BTD: variants seen among roughly 807,000 people sequenced by gnomAD.
BTD encodes biotinidase.
BTD carries 13 observed loss-of-function variants against 17.7 expected under a neutral mutation model. The observed-to-expected ratio is 0.74, with a 90% CI of 0.48 to 1.17. The LOEUF (loss-of-function observed/expected upper bound fraction) is 1.17, where lower values mean the gene tolerates loss of function less well. Among genes scored for constraint, BTD ranks in the 50% most tolerant of loss-of-function variants. The probability of loss-of-function intolerance (pLI) is 0.00; values close to 1 mark genes in which losing one functional copy is unlikely to be tolerated. For synonymous variants in BTD, 240 were observed against 245.2 expected (o/e 0.98, Z 0.20); for missense variants, 674 against 650.4 (o/e 1.04, Z -0.39).
At chr3:15,718,804 T>C (rs972011422) in intron 4 of BTD, among the ~76,000 whole-genome samples, 1 of 152,212 alleles carries the variant, frequency 6.6e-6, no homozygotes, top group Non-Finnish European at 1.5e-5. Flanking sequence ...CTGAGAAAAC[T>C]TGGTTGTGAC....
intron 1 of BTD, among the ~76,000 whole-genome samples, chr3:15,634,354 C>G (rs1163815926): frequency 6.6e-6 from 1 of 152,140 alleles, no homozygotes; most frequent in South Asian, 2.1e-4. Flanking sequence ...TTGTTCAGCC[C>G]CAGGACATCT....
chr3:15,653,734 T>G (rs2065840770), downstream of BTD, among the ~76,000 whole-genome samples: 1 of 152,186 alleles, frequency 6.6e-6, no homozygotes, highest in African/African-American at 2.4e-5. Context: ...TAAGATAAGG[T>G]ATAACTTTGG....
chr3:15,608,357 C>G (rs959177888), intron 1 of BTD, among the ~76,000 whole-genome samples: 2 of 152,120 alleles, frequency 1.3e-5, no homozygotes, highest in Admixed American at 1.3e-4. Context: ...GATAGTTTGA[C>G]AGCAGCAGTC....
intron 1 of BTD, chr3:15,606,366 A>G (rs1316902046): frequency 6.6e-6 from 1 of 152,242 alleles, no homozygotes; most frequent in Non-Finnish European, 1.5e-5. Context: ...TTTTCATGCC[A>G]GAAGCATGAG....
At chr3:15,615,892 T>G (rs1446994376) in intron 1 of BTD, among the ~76,000 whole-genome samples, 2 of 152,266 alleles carry the variant, frequency 1.3e-5, no homozygotes, top group African/African-American at 2.4e-5. Context: ...CATATTGGAA[T>G]CATACAGTAT....
downstream of BTD, chr3:15,714,546 A>C: frequency 6.6e-7 from 1 of 1,504,806 alleles, no homozygotes; most frequent in Non-Finnish European, 8.9e-7. Flanking sequence ...AAAAAAAAAA[A>C]ACCCCAAAAA....
intron 1 of BTD, among the ~76,000 whole-genome samples, chr3:15,628,787 C>T (rs1357492146): frequency 3.3e-5 from 5 of 152,154 alleles, no homozygotes; most frequent in African/African-American, 1.2e-4. Flanking sequence ...TTTCGACCAC[C>T]GAAGATTTCC....
chr3:15,639,258 A>G (rs529006943), intron 2 of BTD, among the ~76,000 whole-genome samples: 1 of 148,900 alleles, frequency 6.7e-6, no homozygotes, highest in Non-Finnish European at 1.5e-5. Flanking sequence ...TCTAGTATGT[A>G]TACATAATTT....
rs193049441 is a variant in BTD at position 15,672,883 on chromosome 3, C to G, written c.399+30826C>G. Among the ~76,000 whole-genome samples the G allele has an allele frequency of 3.1e-3, 473 of 152,382 alleles. 1 individual carries two copies. Among genetic ancestry groups the G allele is most frequent in the Non-Finnish European group, 5.4e-3 (365 of 68,040 alleles). On this transcript the variant is annotated intron_variant, in intron 3 of 3. Coordinates refer to the BTD transcript ENST00000672141. ...TTCTGCCTCCTGGGTTCAAGCGATTCTCTTGCCTCAGCCTCCCAAGTAGCT... is the reference window on the plus strand; with the variant it reads ...TTCTGCCTCCTGGGTTCAAGCGATTGTCTTGCCTCAGCCTCCCAAGTAGCT...
At chr3:15,670,597 A>G (rs1189877543) in intron 3 of BTD, 2 of 1,574,168 alleles carry the variant, frequency 1.3e-6, no homozygotes, top group African/African-American at 2.7e-5. Context: ...GCATCCTGAG[A>G]TGTATTTCAC....
chr3:15,714,713 A>G, downstream of BTD: 1 of 1,249,166 alleles, frequency 8.0e-7, no homozygotes, highest in Non-Finnish European at 1.1e-6. Context: ...TGTAAACCTT[A>G]GTTTTACTTT....
At chr3:15,643,822 T>C (rs886663616) in intron 3 of BTD, among the ~76,000 whole-genome samples, 3 of 143,322 alleles carry the variant, frequency 2.1e-5, no homozygotes, top group African/African-American at 7.8e-5. Flanking sequence ...CTTAGGAGGC[T>C]GAGACGAGAG....
At chr3:15,719,007 T>G (rs1037633035) in intron 4 of BTD, among the ~76,000 whole-genome samples, 10 of 152,236 alleles carry the variant, frequency 6.6e-5, no homozygotes, top group African/African-American at 2.4e-4. Context: ...AGTTCAAACC[T>G]GTAATAAATA....
chr3:15,626,938 G>A (rs947377560), intron 1 of BTD, among the ~76,000 whole-genome samples: 1 of 152,096 alleles, frequency 6.6e-6, no homozygotes, highest in Non-Finnish European at 1.5e-5. Context: ...TCTGTCAGAG[G>A]AAAAAAGGCA....
intron 1 of BTD, among the ~76,000 whole-genome samples, chr3:15,615,428 A>C (rs2064764945): frequency 6.6e-6 from 1 of 152,208 alleles, no homozygotes; most frequent in African/African-American, 2.4e-5. Flanking sequence ...ATCATTCCTT[A>C]AGGTTCCTAG....
At chr3:15,704,493 G>A (rs964854465) in intron 3 of BTD, among the ~76,000 whole-genome samples, 2 of 152,062 alleles carry the variant, frequency 1.3e-5, no homozygotes, top group East Asian at 3.9e-4. Context: ...GATGCTGACA[G>A]GGGATTTTTA....
At chr3:15,671,287 G>C (rs894920594) in intron 3 of BTD, among the ~76,000 whole-genome samples, 3 of 152,100 alleles carry the variant, frequency 2.0e-5, no homozygotes, top group Non-Finnish European at 4.4e-5. Context: ...GGAAACATTT[G>C]GTACCTCAGT....
chr3:15,714,535 A>G (rs755305879), downstream of BTD: 62 of 1,424,372 alleles, frequency 4.4e-5, no homozygotes, highest in Non-Finnish European at 1.9e-5. Flanking sequence ...CATTTAAGAA[A>G]AAAAAAAAAA....
chr3:15,604,761 G>A lies in BTD; in HGVS notation c.-17+2867G>A, dbSNP rs560643457. Among the ~76,000 whole-genome samples the A allele has an allele frequency of 2.6e-5, 4 of 152,290 alleles. No individual in the cohort carries two copies. The East Asian group carries it at 7.7e-4, about 29-fold the overall frequency. ...AGTTCAAAGTTCCACAGATCTCTAG[G>A]ACAGGGGCAAAATGCCACTAGTCTC... On this transcript the variant is annotated intron_variant, in intron 1 of 3. Transcript: ENST00000643237.
Sources: gnomAD v4.1 joint callset for allele counts (sites outside exome capture counted in the v4.1 genomes callset) on GRCh38, gnomAD v4.1.1 for gene constraint, MANE v1.5 for transcripts, NCBI Gene and HGNC (gene_info 2026-07-23, HGNC 2026-07-21) for gene names.